The following ENAH variants were observed in gnomAD, a reference collection of about 807,000 sequenced individuals.
ENAH encodes the protein ENAH actin regulator, also known as protein enabled homolog.
A neutral mutation model predicts 78.7 loss-of-function variants in ENAH; 23 were observed. The ratio of observed to expected loss-of-function variants is 0.29; its 90% CI spans 0.21 to 0.41. The LOEUF (loss-of-function observed/expected upper bound fraction) is 0.41. ENAH is among the 10% of genes least tolerant of loss of function. ENAH has a pLI of 1.00. For synonymous variants in ENAH, 226 were observed against 241.0 expected, an observed-to-expected ratio of 0.94 and a Z score of 0.58; for missense variants, 544 against 691.0, an observed-to-expected ratio of 0.79 and a Z score of 2.39.
At chr1:225,542,740 G>A (rs1426000091) in intron 3 of ENAH, among the ~76,000 whole-genome samples, 1 of 152,166 alleles carries the variant, frequency 6.6e-6, no homozygotes, top group African/African-American at 2.4e-5. Context: ...ATTAAAGATG[G>A]CCAGGAGCAG....
intron 11 of ENAH, among the ~76,000 whole-genome samples, chr1:225,506,551 CT>C (rs749311017): frequency 2.0e-5 from 3 of 152,166 alleles, no homozygotes; most frequent in Non-Finnish European, 4.4e-5. Context: ...AAATCCGTAA[CT>C]AGTAGAGATG....
chr1:225,527,946 T>C (rs2096518266), intron 4 of ENAH, among the ~76,000 whole-genome samples: 1 of 152,104 alleles, frequency 6.6e-6, no homozygotes, highest in African/African-American at 2.4e-5. Context: ...CTAGGTAATG[T>C]CTTCCCTAGC....
intron 1 of ENAH, among the ~76,000 whole-genome samples, chr1:225,580,833 G>A (rs149475899): frequency 9.3e-4 from 140 of 150,562 alleles, no homozygotes; most frequent in African/African-American, 3.3e-3. Flanking sequence ...CTGGGAGGGT[G>A]GAAGTTGCAG....
At chr1:225,534,179 T>C (rs2151282948) in intron 3 of ENAH, among the ~76,000 whole-genome samples, 1 of 152,098 alleles carries the variant, frequency 6.6e-6, no homozygotes, top group South Asian at 2.1e-4. Flanking sequence ...TAATCACTCA[T>C]GACTAGTTCA....
At chr1:225,562,344 G>A (rs867947687) in intron 2 of ENAH, among the ~76,000 whole-genome samples, 58 of 151,590 alleles carry the variant, frequency 3.8e-4, no homozygotes, top group Middle Eastern at 6.8e-3. Flanking sequence ...AGGCTGAGGC[G>A]GGCAGATCAC....
At chr1:225,500,938 A>G (rs915481223) in intron 12 of ENAH, 54 bp downstream of exon 12, 1 of 1,520,006 alleles carries the variant, frequency 6.6e-7, no homozygotes, top group South Asian at 1.1e-5. Context: ...CATATGGGAT[A>G]TTTTTTAAAA....
intron 1 of ENAH, among the ~76,000 whole-genome samples, chr1:225,604,045 T>G (rs1453707494): frequency 3.9e-5 from 6 of 152,190 alleles, no homozygotes; most frequent in Non-Finnish European, 5.9e-5. Context: ...GTGCTATAAT[T>G]TCAACTAGAA....
intron 1 of ENAH, among the ~76,000 whole-genome samples, chr1:225,623,338 T>C (rs1486155331): frequency 2.6e-5 from 4 of 152,194 alleles, no homozygotes; most frequent in Non-Finnish European, 5.9e-5. Flanking sequence ...ATTTATGTTG[T>C]TGAGCTCACC....
intron 1 of ENAH, among the ~76,000 whole-genome samples, chr1:225,614,552 C>T (rs946002211): frequency 3.3e-5 from 5 of 152,094 alleles, no homozygotes; most frequent in Admixed American, 6.5e-5. Flanking sequence ...TGTATAGAGG[C>T]TTCATTATGT....
At chr1:225,542,704 G>A (rs774728495) in intron 3 of ENAH, among the ~76,000 whole-genome samples, 1 of 152,200 alleles carries the variant, frequency 6.6e-6, no homozygotes, top group Non-Finnish European at 1.5e-5. Context: ...AACTGGGTTT[G>A]TCTCACATGG....
chr1:225,588,874 T>C (rs1258596131), intron 1 of ENAH, among the ~76,000 whole-genome samples: 1 of 151,042 alleles, frequency 6.6e-6, no homozygotes, highest in Non-Finnish European at 1.5e-5. Context: ...ACCTACCCTC[T>C]GACAAGTCAA....
chr1:225,600,789 G>T (rs949638886), intron 1 of ENAH, among the ~76,000 whole-genome samples: 1 of 152,056 alleles, frequency 6.6e-6, no homozygotes, highest in Non-Finnish European at 1.5e-5. Flanking sequence ...GCTCAAAACT[G>T]CAGTAAGCTG....
At chr1:225,576,934 AG>A (rs2096791153) in intron 1 of ENAH, among the ~76,000 whole-genome samples, 1 of 152,156 alleles carries the variant, frequency 6.6e-6, no homozygotes, top group Non-Finnish European at 1.5e-5. Flanking sequence ...CAGGAGTTCA[AG>A]ACCAGCCTGG....
intron 1 of ENAH, among the ~76,000 whole-genome samples, chr1:225,638,115 G>T (rs1575822800): frequency 6.6e-6 from 1 of 152,006 alleles, no homozygotes; most frequent in Non-Finnish European, 1.5e-5. Flanking sequence ...TGCAAAAAAA[G>T]AAATTAAGGT....
intron 1 of ENAH, among the ~76,000 whole-genome samples, chr1:225,601,990 C>T (rs1186676032): frequency 6.6e-6 from 1 of 151,724 alleles, no homozygotes; most frequent in Non-Finnish European, 1.5e-5. Flanking sequence ...GGACAGAAAT[C>T]AATGAAAATC....
At position 225,491,485 on chromosome 1, in the gene ENAH, A is replaced by AAT. The variant is rs1553406967; in HGVS notation, c.*6289_*6290insAT. On this transcript the variant is annotated 3_prime_UTR_variant, in exon 14 of 14. Transcript: ENST00000366843. ...AAAATGCCTTTAATCTTTAAAAAAA[A>AAT]AAATAAAAGAAAAAGAAAAAAAGAA... 9.2e-5 allele frequency: 14 copies of AAT among 151,704 alleles called. No individual in the cohort carries two copies. Among genetic ancestry groups the AAT allele is most frequent in the African/African-American group, 3.4e-4 (14 of 41,316 alleles). The allele number at this position is 151,704 out of a possible 1,614,324, so 9.4% of individuals were successfully genotyped here. A position where few individuals can be genotyped will look rare whatever the true frequency, so the allele number is the denominator to read the frequency against.
chr1:225,609,656 ATTTTTTTTTTTTT>A (rs59508510), intron 1 of ENAH, among the ~76,000 whole-genome samples: 3 of 76,506 alleles, frequency 3.9e-5, no homozygotes, highest in South Asian at 5.0e-4. Context: ...GGAAAAATGG[ATTTTTTTTTTTTT>A]TTTTTTTTTT....
chr1:225,524,976 A>T (rs2096493599), intron 4 of ENAH, among the ~76,000 whole-genome samples: 1 of 152,186 alleles, frequency 6.6e-6, no homozygotes, highest in Admixed American at 6.5e-5. Flanking sequence ...TATTAAAAAT[A>T]AAAAATTAAA....
At chr1:225,507,338 TA>T (rs1346925159) in intron 11 of ENAH, among the ~76,000 whole-genome samples, 2 of 151,968 alleles carry the variant, frequency 1.3e-5, no homozygotes, top group Non-Finnish European at 2.9e-5. Context: ...AAATTATATA[TA>T]TACATAAATA....
Sources: allele counts gnomAD v4.1 joint callset (sites outside exome capture counted in the v4.1 genomes callset), GRCh38; gene constraint gnomAD v4.1.1; transcripts MANE v1.5; gene names NCBI Gene and HGNC (gene_info 2026-07-23, HGNC 2026-07-21).